Variants in SELENON observed in about 807,000 individuals in gnomAD.
SELENON encodes selenoprotein N.
SELENON carries 44 observed loss-of-function variants against 59.5 expected under a neutral mutation model. The observed-to-expected ratio is 0.74, with a 90% CI of 0.58 to 0.95. The LOEUF is 0.95. Ranked by LOEUF, SELENON falls within the 40% of genes least tolerant of loss-of-function variation. The pLI, the probability that SELENON is intolerant of heterozygous loss-of-function variation, is 0.00. For synonymous variants in SELENON, 320 were observed against 305.6 expected, an observed-to-expected ratio of 1.05 and a Z score of -0.49; for missense variants, 674 against 721.4, an observed-to-expected ratio of 0.93 and a Z score of 0.75.
In SELENON at chr1:25,815,607, C is replaced by G. The variant is rs527549188; in HGVS notation, c.1662C>G (p.Ile554Met). The stretch of plus-strand genomic sequence containing the variant: ...TCACCTCCGTGAAGCCCGAGGAAAT[C>G]GAGAGCAATCTCTTCAGCTTCTCAT... The change falls in exon 13 of 13, where the codon ATC becomes ATG. Residue 554 changes from isoleucine to methionine, a missense_variant. By Grantham distance (10) the Ile-to-Met change is conservative. Transcript: ENST00000361547. 3.7e-6 allele frequency: 6 copies of G among 1,614,184 alleles called. No homozygotes were observed. Among genetic ancestry groups the G allele is most frequent in the Non-Finnish European group, 5.1e-6 (6 of 1,180,030 alleles).
At chr1:25,808,859 G>C in intron 5 of SELENON, 70 bp downstream of exon 4, 1 of 1,589,522 alleles carries the variant, frequency 6.3e-7, no homozygotes, top group Non-Finnish European at 8.6e-7. Flanking sequence ...CTCTGTCTGC[G>C]CCTGGACCCC....
rs1428886291 is a variant in SELENON at position 25,807,355 on chromosome 1, G to A, written c.538-1225G>A. Among the ~76,000 whole-genome samples the A allele has an allele frequency of 1.3e-5, 2 of 152,188 alleles. No homozygotes were observed. Among genetic ancestry groups the A allele is most frequent in the East Asian group, 1.9e-4 (1 of 5,198 alleles). On this transcript the variant is annotated intron_variant, in intron 4 of 12. Transcript: ENST00000361547. The surrounding 1 kb of genome is among the most constrained non-coding windows in gnomAD (Gnocchi z 4.5). The stretch of plus-strand genomic sequence containing the variant: ...TTGTGGAATGAACAAATGAATAAAC[G>A]TGTTCTTCTCAGCCAAGGAGACAGT...
rs2124456999 is a variant in SELENON, at chr1:25,815,717, A to G, written c.1772A>G (p.Ter591TrpextTer?). 6.2e-7 allele frequency: 1 copy of G among 1,613,832 alleles called. No individual in the cohort carries two copies. The highest frequency in any genetic ancestry group is 8.5e-7 in the Non-Finnish European group (1 of 1,179,988). The stretch of plus-strand genomic sequence containing the variant: ...CGTGGCCTGCCCCTCCTCCAGCCCT[A>G]GAGTGCCTGGACGGGATCTGATGCA... The change falls in exon 13 of 13, where the codon TAG (stop) becomes TGG (tryptophan). Residue 591 changes from the stop codon to tryptophan (W), a stop_lost. Coordinates refer to ENST00000361547, the MANE Select transcript of SELENON (RefSeq NM_020451.3).
At position 25,815,897 on chromosome 1, in the gene SELENON, G is replaced by A. The variant is rs1012232074; in HGVS notation, c.*179G>A. 8.0e-6 allele frequency: 5 copies of A among 625,898 alleles called. No individual in the cohort carries two copies. In the Admixed American group the frequency reaches 1.1e-4, roughly 14 times the overall value. The allele number at this position is 625,898 out of a possible 1,614,324, so 38.8% of individuals were successfully genotyped here. Reference sequence around the variant, plus strand: ...GGCTCCATGGTGGCGGGTAGACAAGGGATGCCTGGGCTGACTGGGCAGAGG... The same window carrying A: ...GGCTCCATGGTGGCGGGTAGACAAGAGATGCCTGGGCTGACTGGGCAGAGG... On this transcript the variant is annotated 3_prime_UTR_variant, in exon 13 of 13. Transcript: ENST00000361547.
Position 25,817,954 on chromosome 1 carries a change from C to T in SELENON, c.*2236C>T, listed in dbSNP as rs78714889. ...GATGCTCTCTCTCTGCCTCCCCCCC[C>T]ATCCTGTCAGGCACAGGTGACGGGG... is the stretch of plus-strand genomic sequence containing the variant. On this transcript the variant is annotated 3_prime_UTR_variant, in exon 13 of 13. Coordinates refer to ENST00000361547, the MANE Select transcript of SELENON (RefSeq NM_020451.3). 4.0e-5 allele frequency: 6 copies of T among 149,788 alleles called. No individual in the cohort carries two copies. The highest frequency in any genetic ancestry group is 7.4e-5 in the Non-Finnish European group (5 of 67,444). 9.3% of individuals were successfully genotyped at this position (149,788 alleles called of 1,614,324 possible).
At chr1:25,805,066 A>C in intron 3 of SELENON, 76 bp from the exon 3 acceptor site, 1 of 1,595,386 alleles carries the variant, frequency 6.3e-7, no homozygotes, top group Non-Finnish European at 8.6e-7. Flanking sequence ...GTTAATCACC[A>C]GCTAGTGTGG....
At chr1:25,808,340 T>TGTGCCTGGGTGGGCA (rs2047926154) in intron 4 of SELENON, among the ~76,000 whole-genome samples, 2 of 6,260 alleles carry the variant, frequency 3.2e-4, no homozygotes, top group Non-Finnish European at 5.6e-4. Flanking sequence ...CTGGGTGGGC[T>TGTGCCTGGGTGGGCA]GTGCCTGGGT....
In SELENON at chr1:25,801,986, G is replaced by A. The variant is rs1343602311; in HGVS notation, c.302-30G>A. On this transcript the variant is annotated intron_variant, in intron 2 of 12. Coordinates refer to ENST00000361547, the MANE Select transcript of SELENON (RefSeq NM_020451.3). ...TGCAGTAGATTTCCAATAGACAGCA[G>A]CTATAACTTTTTTTTTTTTTTTGAG... 1.5e-5 allele frequency: 4 copies of A among 259,276 alleles called. No individual in the cohort carries two copies. In the East Asian group the frequency reaches 4.0e-4, roughly 26 times the overall value. The allele number at this position is 259,276 out of a possible 1,614,324, so 16.1% of individuals were successfully genotyped here. A position where few individuals can be genotyped will look rare whatever the true frequency, so the allele number is the denominator to read the frequency against.
At chr1:25,802,372 G>A (rs2047868239) in intron 3 of SELENON, among the ~76,000 whole-genome samples, 1 of 151,142 alleles carries the variant, frequency 6.6e-6, no homozygotes, top group Admixed American at 6.6e-5. Flanking sequence ...TGTTGTTGTT[G>A]TTGAGATGGA....
Position 25,801,195 on chromosome 1 carries a change from G to A in SELENON, c.301+35G>A, listed in dbSNP as rs780963486. 1.1e-5 allele frequency: 17 copies of A among 1,551,682 alleles called. No homozygotes were observed. The East Asian group carries it at 3.6e-4, about 33-fold the overall frequency. On this transcript the variant is annotated intron_variant, in intron 2 of 12. Transcript: ENST00000361547. Reference sequence around the variant, plus strand: ...GAGACTGGCGGCTGGGGAGGAGGGCGCCTTGGCCAACGGTGTCTTCACTGA... The same window carrying A: ...GAGACTGGCGGCTGGGGAGGAGGGCACCTTGGCCAACGGTGTCTTCACTGA...
chr1:25,809,630 G>A, intron 6 of SELENON, 53 bp from the exon 6 acceptor site: 1 of 1,609,100 alleles, frequency 6.2e-7, no homozygotes. Flanking sequence ...GGCTTCCCGG[G>A]CTCCTGGGGA....
chr1:25,811,459 T>C lies in SELENON; in HGVS notation c.1016T>C (p.Leu339Pro). The stretch of plus-strand genomic sequence containing the variant: ...CTCTGCCCTGGCCATCCCAGGTCTC[T>C]GAATGTGGACATGGAGTGGCTTTAC... The change falls in exon 8 of 13, where the codon CTG (leucine) becomes CCG (proline). Residue 339 changes from leucine (L) to proline (P), a missense_variant. Leu to Pro is a moderately conservative substitution (Grantham distance 98). Transcript: ENST00000361547. 2 of 1,613,752 alleles carry C rather than the reference T, an allele frequency of 1.2e-6. No homozygotes were observed. The highest frequency in any genetic ancestry group is 1.1e-5 in the South Asian group (1 of 91,080).
intron 10 of SELENON, chr1:25,813,590 G>A (rs1344585055): frequency 4.1e-6 from 2 of 489,966 alleles, no homozygotes; most frequent in South Asian, 3.3e-5. Flanking sequence ...GGAACAGCCT[G>A]TGTGAAGGCC....
In SELENON at chr1:25,817,990, C is replaced by G. The variant is rs976137566; in HGVS notation, c.*2272C>G. The G allele has an allele frequency of 2.0e-5, 3 of 152,184 alleles. No homozygotes were observed. Among genetic ancestry groups the G allele is most frequent in the Non-Finnish European group, 2.9e-5 (2 of 68,174 alleles). 9.4% of individuals were successfully genotyped at this position (152,184 alleles called of 1,614,324 possible). A position where few individuals can be genotyped will look rare whatever the true frequency, so the allele number is the denominator to read the frequency against. ...GCACAGGTGACGGGGGCAGCCCATG[C>G]GAGCCCTTCTCCTGCTGCTCTGGGA... On this transcript the variant is annotated 3_prime_UTR_variant, in exon 13 of 13. Transcript: ENST00000361547.
intron 7 of SELENON, among the ~76,000 whole-genome samples, chr1:25,811,094 G>A (rs1181689691): frequency 2.0e-5 from 3 of 152,050 alleles, no homozygotes; most frequent in East Asian, 1.9e-4. Context: ...CAGGGACCAC[G>A]GTGCTCGTTT....
chr1:25,805,116 G>T, intron 3 of SELENON, 26 bp from the exon 3 acceptor site: 6 of 1,612,116 alleles, frequency 3.7e-6, no homozygotes, highest in Non-Finnish European at 5.1e-6. Context: ...TAAGGGCAGT[G>T]CCTCTCCGAT....
Position 25,814,147 on chromosome 1 carries a change from AGAT to A in SELENON, c.1578_1580del (p.Met526del), listed in dbSNP as rs2047990479. ...CTGGAGAAGTACAGCTTCCCCGTGGAGATGATGATCTGCCTGCCCAATGGCACC... is the reference window on the plus strand; with the variant it reads ...CTGGAGAAGTACAGCTTCCCCGTGGAGATGATCTGCCTGCCCAATGGCACC... On this transcript the variant is annotated inframe_deletion, in exon 12 of 13. Transcript: ENST00000361547. 5 of 1,614,046 alleles carry A rather than the reference AGAT, an allele frequency of 3.1e-6. No homozygotes were observed. The South Asian group carries it at 4.4e-5, about 14-fold the overall frequency.
chr1:25,813,427 A>G (rs1295803788), intron 10 of SELENON: 1 of 333,288 alleles, frequency 3.0e-6, no homozygotes, highest in East Asian at 7.8e-5. Context: ...CAGTACAAGC[A>G]CGGTGAGTGT....
At chr1:25,810,067 C>G (rs548381710) in intron 7 of SELENON, among the ~76,000 whole-genome samples, 1 of 152,130 alleles carries the variant, frequency 6.6e-6, no homozygotes, top group African/African-American at 2.4e-5. Context: ...TGCAGCAGTC[C>G]GCAGACCCTT....
Sources: allele counts gnomAD v4.1 joint callset (sites outside exome capture counted in the v4.1 genomes callset), GRCh38; gene constraint gnomAD v4.1.1; non-coding constraint Gnocchi (gnomAD v3.1); transcripts MANE v1.5; gene names NCBI Gene and HGNC (gene_info 2026-07-23, HGNC 2026-07-21).